RYR3: variants seen among roughly 807,000 people sequenced by gnomAD.
RYR3 encodes ryanodine receptor 3.
RYR3 carries 207 observed loss-of-function variants against 584.3 expected under a neutral mutation model. That is an observed-to-expected ratio of 0.35 (90% CI 0.32 to 0.40). The LOEUF is 0.40. RYR3 is among the 10% of genes least tolerant of loss of function. The pLI is 1.00. For synonymous variants in RYR3, 2,416 were observed against 2,248.5 expected, an observed-to-expected ratio of 1.07 and a Z score of -2.11; for missense variants, 5,616 against 6,089.2, an observed-to-expected ratio of 0.92 and a Z score of 2.59.
At chr15:33,536,751 G>A (rs1226890272) in intron 5 of RYR3, among the ~76,000 whole-genome samples, 1 of 152,216 alleles carries the variant, frequency 6.6e-6, no homozygotes, top group African/African-American at 2.4e-5. Context: ...AGATTAAAGA[G>A]AGAAATAGTG....
rs766700534 is a variant in RYR3, at chr15:33,543,695, C to A, written c.720C>A (p.Asp240Glu). The change falls in exon 8 of 104, where the codon GAC becomes GAA. Residue 240 changes from aspartate (D) to glutamate (E), a missense_variant. By Grantham distance (45) the Asp-to-Glu change is conservative. Coordinates refer to ENST00000634891, the MANE Select transcript of RYR3 (RefSeq NM_001036.6). ...AATGTTTGACGATACCATCTACAGACCAGAATGATTCCCAGCACAGGTAAG... is the reference window on the plus strand; with the variant it reads ...AATGTTTGACGATACCATCTACAGAACAGAATGATTCCCAGCACAGGTAAG... Reference protein sequence around the residue: ...HDECLTIPSTDQNDSQHRRIF... With the variant: ...HDECLTIPSTEQNDSQHRRIF... 16 of 1,610,996 alleles carry A rather than the reference C, an allele frequency of 9.9e-6. No homozygotes were observed. The highest frequency in any genetic ancestry group is 6.7e-5 in the Admixed American group (4 of 59,990).
intron 18 of RYR3, among the ~76,000 whole-genome samples, chr15:33,611,006 G>C (rs2060155707): frequency 6.6e-6 from 1 of 152,262 alleles, no homozygotes; most frequent in Middle Eastern, 3.4e-3. Flanking sequence ...ACCTGAACTA[G>C]ACTAGCAGTA....
intron 102 of RYR3, among the ~76,000 whole-genome samples, chr15:33,863,520 G>A (rs963892641): frequency 5.3e-5 from 8 of 152,192 alleles, no homozygotes; most frequent in African/African-American, 1.7e-4. Flanking sequence ...AACGGTCTCT[G>A]AGATCATATA....
chr15:33,659,217 T>C (rs904416333), intron 32 of RYR3, among the ~76,000 whole-genome samples: 1 of 152,028 alleles, frequency 6.6e-6, no homozygotes, highest in Non-Finnish European at 1.5e-5. Context: ...AGTGCCAAGG[T>C]TGAGAAACCC....
rs1319089365 is a variant in RYR3 at position 33,826,763 on chromosome 15, C to G, written c.11245+11C>G. The G allele has an allele frequency of 1.3e-6, 2 of 1,584,430 alleles. No homozygotes were observed. The highest frequency in any genetic ancestry group is 2.3e-5 in the South Asian group (2 of 87,698). ...AGGGACATAACAGTGGTGAGTGGAA[C>G]AGATTGATCTGCCAAGGAAACACAG... On this transcript the variant is annotated intron_variant, in intron 84 of 103. Coordinates refer to ENST00000634891, the MANE Select transcript of RYR3 (RefSeq NM_001036.6).
intron 72 of RYR3, among the ~76,000 whole-genome samples, chr15:33,811,295 G>A (rs887014211): frequency 1.3e-5 from 2 of 152,074 alleles, no homozygotes; most frequent in Non-Finnish European, 2.9e-5. Flanking sequence ...CACGAGGTCA[G>A]GAGATTGAGA....
chr15:33,538,368 T>C (rs1364677863), intron 5 of RYR3, among the ~76,000 whole-genome samples: 2 of 152,300 alleles, frequency 1.3e-5, no homozygotes, highest in East Asian at 1.9e-4. Context: ...CTTAGCTAGT[T>C]TGGCTTCCCT....
At chr15:33,575,829 G>GTT (rs2058270370) in intron 12 of RYR3, among the ~76,000 whole-genome samples, 4 of 44,332 alleles carry the variant, frequency 9.0e-5, no homozygotes, top group South Asian at 5.7e-4. Context: ...TACAGGAGCT[G>GTT]GTTTTAAAAA....
chr15:33,537,307 C>G (rs940682087), intron 5 of RYR3, among the ~76,000 whole-genome samples: 2 of 152,160 alleles, frequency 1.3e-5, no homozygotes, highest in African/African-American at 2.4e-5. Flanking sequence ...ATTTCTGTTG[C>G]CTTGCCCTAG....
At chr15:33,351,365 A>G (rs1286621500) in intron 1 of RYR3, among the ~76,000 whole-genome samples, 1 of 152,206 alleles carries the variant, frequency 6.6e-6, no homozygotes, top group Non-Finnish European at 1.5e-5. Context: ...TTCTGAAACT[A>G]TTCCAATCAA....
At chr15:33,409,347 TAAAAAA>T (rs35423415) in intron 1 of RYR3, among the ~76,000 whole-genome samples, 2 of 141,824 alleles carry the variant, frequency 1.4e-5, no homozygotes, top group African/African-American at 2.6e-5. Flanking sequence ...TCAAAAAATC[TAAAAAA>T]AAAAAAAAGA....
At chr15:33,543,322 G>C (rs2055974924) in intron 7 of RYR3, among the ~76,000 whole-genome samples, 1 of 152,032 alleles carries the variant, frequency 6.6e-6, no homozygotes, top group African/African-American at 2.4e-5. Flanking sequence ...CCTAACATTA[G>C]CAACTTAATT....
At chr15:33,766,645 T>A (rs16957975) in intron 60 of RYR3, among the ~76,000 whole-genome samples, 33,030 of 152,210 alleles carry the variant, frequency 0.22, 3,675 homozygotes, top group African/African-American at 0.24. Context: ...CTAGAGCCGA[T>A]CAGCCTTGCA....
chr15:33,830,867 A>C, intron 85 of RYR3, 96 bp from the exon 86 acceptor site: 5 of 1,297,598 alleles, frequency 3.9e-6, no homozygotes, highest in South Asian at 1.5e-5. Context: ...AAGAGGTCAT[A>C]GAGATGCAGG....
At chr15:33,316,654 G>A (rs117140230) in intron 1 of RYR3, among the ~76,000 whole-genome samples, 3,123 of 152,280 alleles carry the variant, frequency 0.021, 47 homozygotes, top group Middle Eastern at 0.068. Flanking sequence ...CCACTGTATG[G>A]AGATAGAACC....
At chr15:33,810,290 T>TTA (rs1286973839) in intron 70 of RYR3, among the ~76,000 whole-genome samples, 189 bp from the exon 71 acceptor site, 1 of 152,154 alleles carries the variant, frequency 6.6e-6, no homozygotes, top group East Asian at 1.9e-4. Context: ...AGGCTCAGGG[T>TTA]TATGGCTGGT....
intron 40 of RYR3, among the ~76,000 whole-genome samples, chr15:33,698,469 G>A (rs891108919): frequency 6.6e-6 from 1 of 152,286 alleles, no homozygotes; most frequent in Non-Finnish European, 1.5e-5. Flanking sequence ...TAAGGAGCCC[G>A]CATCAGGGGG....
At chr15:33,760,617 A>G (rs1222430658) in intron 60 of RYR3, among the ~76,000 whole-genome samples, 2 of 152,196 alleles carry the variant, frequency 1.3e-5, no homozygotes, top group African/African-American at 4.8e-5. Flanking sequence ...GTCCTTAGAG[A>G]CCTACAAACA....
At chr15:33,544,131 A>C (rs1234042280) in intron 8 of RYR3, among the ~76,000 whole-genome samples, 1 of 152,146 alleles carries the variant, frequency 6.6e-6, no homozygotes, top group African/African-American at 2.4e-5. Flanking sequence ...GGGTAGTGCC[A>C]AGGGTGCATT....
Sources: gnomAD v4.1 joint callset for allele counts (sites outside exome capture counted in the v4.1 genomes callset) on GRCh38, gnomAD v4.1.1 for gene constraint, MANE v1.5 for transcripts, NCBI Gene and HGNC (gene_info 2026-07-23, HGNC 2026-07-21) for gene names.